The following ADAMTS2 variants were observed in gnomAD, a reference collection of about 807,000 sequenced individuals.
ADAMTS2 encodes the protein ADAM metallopeptidase with thrombospondin type 1 motif 2.
ADAMTS2 carries 50 observed loss-of-function variants against 123.0 expected under a neutral mutation model. The ratio of observed to expected loss-of-function variants is 0.41; its 90% confidence interval spans 0.32 to 0.51. The LOEUF (loss-of-function observed/expected upper bound fraction) is 0.51. Among genes scored for constraint, ADAMTS2 ranks in the 20% least tolerant of loss-of-function variants. The pLI is 0.35. For synonymous variants in ADAMTS2, 678 were observed against 695.4 expected, an observed-to-expected ratio of 0.98 and a Z score of 0.39; for missense variants, 1,494 against 1,705.2, an observed-to-expected ratio of 0.88 and a Z score of 2.18.
Position 179,262,402 on chromosome 5 carries a change from A to G in ADAMTS2, c.688+10509T>C, listed in dbSNP as rs338883. On this transcript the variant is annotated intron_variant, in intron 3 of 21. Coordinates refer to ENST00000251582, the MANE Select transcript of ADAMTS2 (RefSeq NM_014244.5). The surrounding 1 kb of genome is among the most constrained non-coding windows in gnomAD (Gnocchi z 5.9). The stretch of plus-strand genomic sequence containing the variant: ...CACCGGGACTCCTCCCTGCTTCCAC[A>G]CCGTCCACCGAAAACCCTCCAAAGG... 0.25 allele frequency among the ~76,000 whole-genome samples: 37,950 copies of G among 150,748 alleles called. 5,550 individuals carry two copies. Among genetic ancestry groups the G allele is most frequent in the African/African-American group, 0.41 (16,610 of 40,936 alleles).
chr5:179,200,244 C>CTTTTTTTTT (rs1051856642), intron 4 of ADAMTS2, among the ~76,000 whole-genome samples: 6 of 103,690 alleles, frequency 5.8e-5, no homozygotes, highest in African/African-American at 7.9e-5. Flanking sequence ...CCTTTCTTTC[C>CTTTTTTTTT]TTTTTTTTTT....
At chr5:179,166,283 G>A (rs978897958) in intron 5 of ADAMTS2, among the ~76,000 whole-genome samples, 4 of 152,212 alleles carry the variant, frequency 2.6e-5, no homozygotes, top group East Asian at 3.9e-4. Flanking sequence ...TGTTTCCTCC[G>A]GGTTCAGCCT....
chr5:179,310,942 C>T (rs1211811583), intron 2 of ADAMTS2, among the ~76,000 whole-genome samples: 1 of 152,070 alleles, frequency 6.6e-6, no homozygotes. Flanking sequence ...CCTGCCCCTG[C>T]CTGCCCCAAC....
chr5:179,245,501 T>A (rs978099618), intron 3 of ADAMTS2, among the ~76,000 whole-genome samples: 2 of 151,810 alleles, frequency 1.3e-5, no homozygotes, highest in Non-Finnish European at 2.9e-5. Context: ...GCGCGGTGGC[T>A]CACGCCTGTA....
chr5:179,153,442 G>T, intron 9 of ADAMTS2, 49 bp downstream of exon 9: 1 of 1,600,114 alleles, frequency 6.2e-7, no homozygotes. Context: ...ACACCAGCAC[G>T]CCTCCCCCCA....
chr5:179,338,445 C>T (rs7728538), intron 2 of ADAMTS2, among the ~76,000 whole-genome samples: 2,733 of 152,298 alleles, frequency 0.018, 75 homozygotes, highest in African/African-American at 0.058. Flanking sequence ...AGAGGGACTG[C>T]GCTGCACTGC....
rs1019369886 is a variant in ADAMTS2, at chr5:179,285,750, A to C, written c.535-12686T>G. 2.0e-5 allele frequency among the ~76,000 whole-genome samples: 3 copies of C among 152,240 alleles called. No homozygotes were observed. Among genetic ancestry groups the C allele is most frequent in the African/African-American group, 7.2e-5 (3 of 41,468 alleles). On this transcript the variant is annotated intron_variant, in intron 2 of 21. Coordinates refer to ENST00000251582, the MANE Select transcript of ADAMTS2 (RefSeq NM_014244.5). The surrounding 1 kb of genome is among the most constrained non-coding windows in gnomAD (Gnocchi z 4.9). ...TCACATAAATAACAGGGCGCTCTCT[A>C]CTAAAGAAGAAAAATGACTCGTGCT...
At chr5:179,299,497 C>CA (rs1756446682) in intron 2 of ADAMTS2, among the ~76,000 whole-genome samples, 3 of 144,026 alleles carry the variant, frequency 2.1e-5, no homozygotes, top group African/African-American at 5.2e-5. Context: ...CCACAGCACT[C>CA]CAGCCTGGGC....
chr5:179,318,789 T>C (rs141554296), intron 2 of ADAMTS2, among the ~76,000 whole-genome samples: 1 of 152,134 alleles, frequency 6.6e-6, no homozygotes, highest in African/African-American at 2.4e-5. Flanking sequence ...GTTTGAGCGT[T>C]GAGACGTTGG....
intron 2 of ADAMTS2, among the ~76,000 whole-genome samples, chr5:179,280,207 C>T (rs546616017): frequency 2.6e-5 from 4 of 152,264 alleles, no homozygotes; most frequent in Non-Finnish European, 4.4e-5. Context: ...CTAAGCTGGC[C>T]GGAGCCAATT....
At position 179,140,799 on chromosome 5, in the gene ADAMTS2, C is replaced by CTTT. The variant is rs770094463; in HGVS notation, c.1630-767_1630-765dup. 1.2e-3 allele frequency among the ~76,000 whole-genome samples: 111 copies of CTTT among 90,442 alleles called. 9 individuals carry two copies. Among genetic ancestry groups the CTTT allele is most frequent in the South Asian group, 4.3e-3 (10 of 2,338 alleles). 59.3% of individuals were successfully genotyped at this position (90,442 alleles called of 152,430 possible). On this transcript the variant is annotated intron_variant, in intron 10 of 21. Transcript: ENST00000251582. ...TTTCCTTCAGTTCCGACTGCATGCT[C>CTTT]TTTTTTTTTTTTTTTTTTTGAGACA...
At chr5:179,120,674 G>A (rs1451808366) in intron 21 of ADAMTS2, 1 of 152,090 alleles carries the variant, frequency 6.6e-6, no homozygotes, top group Non-Finnish European at 1.5e-5. Context: ...GCACCCTCGG[G>A]GGCTCCATGC....
At chr5:179,123,574 C>G (rs1185248193) in intron 19 of ADAMTS2, among the ~76,000 whole-genome samples, 2 of 152,208 alleles carry the variant, frequency 1.3e-5, no homozygotes, top group African/African-American at 2.4e-5. Context: ...TACAGGCACA[C>G]GCCACCACAT....
At chr5:179,122,504 T>C in intron 20 of ADAMTS2, 140 bp downstream of exon 20, 1 of 1,283,710 alleles carries the variant, frequency 7.8e-7, no homozygotes. Context: ...TGGCCTGCAG[T>C]GCCCCGCTTC....
rs377397368 is a variant in ADAMTS2, at chr5:179,126,073, C to T, written c.2675G>A (p.Arg892His). 14 of 1,613,098 alleles carry T rather than the reference C, an allele frequency of 8.7e-6. No individual in the cohort carries two copies. The highest frequency in any genetic ancestry group is 6.7e-5 in the Admixed American group (4 of 60,002). The change falls in exon 18 of 22, where the codon CGT becomes CAT. Residue 892 changes from arginine (R) to histidine (H), a missense_variant. Physicochemically the swap from Arg to His is conservative, Grantham distance 29. Coordinates refer to ENST00000251582, the MANE Select transcript of ADAMTS2 (RefSeq NM_014244.5). ...CTTCGAGAGGGCGGCACAGAAGCCA[C>T]GGTGTACCATCTTGTGGTCCAGCCT... ...RRRLDHKMVHRGFCAALSKPK... is the reference protein window; with the variant it reads ...RRRLDHKMVHHGFCAALSKPK...
intron 3 of ADAMTS2, among the ~76,000 whole-genome samples, chr5:179,227,586 G>C (rs911173975): frequency 8.3e-4 from 126 of 152,304 alleles, no homozygotes; most frequent in African/African-American, 2.5e-3. Context: ...CACAGAGTGA[G>C]CAGGACCAGC....
chr5:179,216,246 G>A (rs1437453494), intron 3 of ADAMTS2, among the ~76,000 whole-genome samples: 1 of 152,182 alleles, frequency 6.6e-6, no homozygotes, highest in Non-Finnish European at 1.5e-5. Context: ...GTGACCCACG[G>A]GGTGAACTGT....
Position 179,137,899 on chromosome 5 carries a change from G to T in ADAMTS2, c.1821C>A (p.Phe607Leu). Residue 607 changes from phenylalanine to leucine, a missense_variant, in exon 12 of 22, where the codon TTC becomes TTA. Around this residue, in one of 6 missense-constraint regions of ADAMTS2, gnomAD observed 953 missense variants for 1,124.7 expected, o/e 0.85. Transcript: ENST00000251582. ...GRTCSGLAYD[F>L]QLCSRQDCPD... is the part of the protein sequence containing the mutation. ...GGCAGTCCTGGCGGCTGCAGAGCTG[G>T]AAGTCGTAGGCAAGGCCCGAGCAGG... is the stretch of plus-strand genomic sequence containing the variant. 6.4e-7 allele frequency: 1 copy of T among 1,554,174 alleles called. No homozygotes were observed. Among genetic ancestry groups the T allele is most frequent in the South Asian group, 1.2e-5 (1 of 84,288 alleles).
rs538346271 is a variant in ADAMTS2 at position 179,234,221 on chromosome 5, G to A, written c.689-26506C>T. 1.3e-5 allele frequency among the ~76,000 whole-genome samples: 2 copies of A among 152,242 alleles called. No individual in the cohort carries two copies. Among genetic ancestry groups the A allele is most frequent in the East Asian group, 3.9e-4 (2 of 5,168 alleles). On this transcript the variant is annotated intron_variant, in intron 3 of 21. Transcript: ENST00000251582. This position sits in a 1 kb window ranked among gnomAD's most constrained non-coding sequence, Gnocchi z 4.7. ...GATGCCAGAGATATCACCAGCCCTC[G>A]AGGCTTAACCCCTGCTCTGTGGGGG...
Sources: allele counts gnomAD v4.1 joint callset (sites outside exome capture counted in the v4.1 genomes callset), GRCh38; gene constraint gnomAD v4.1.1; regional missense constraint gnomAD v4.1.1; non-coding constraint Gnocchi (gnomAD v3.1); transcripts MANE v1.5; gene names NCBI Gene and HGNC (gene_info 2026-07-23, HGNC 2026-07-21).